The following SLC24A1 variants were observed in gnomAD, a reference collection of about 807,000 sequenced individuals.
The protein encoded by SLC24A1 is sodium/potassium/calcium exchanger 1.
Under a neutral mutation model 88.1 loss-of-function variants are expected in SLC24A1, and 52 were observed. The observed-to-expected ratio is 0.59, with a 90% CI of 0.47 to 0.74. SLC24A1 has a LOEUF of 0.74. Ranked by LOEUF, SLC24A1 falls within the 30% of genes least tolerant of loss-of-function variation. SLC24A1 has a pLI of 0.00. For synonymous variants in SLC24A1, 455 were observed against 498.0 expected (o/e 0.91, Z 1.15); for missense variants, 1,173 against 1,363.3 (o/e 0.86, Z 2.20).
At chr15:65,641,347 A>G (rs1469592253) in intron 4 of SLC24A1, among the ~76,000 whole-genome samples, 2 of 151,436 alleles carry the variant, frequency 1.3e-5, no homozygotes, top group Non-Finnish European at 2.9e-5. Flanking sequence ...TGACAGAGCG[A>G]GACCATCTCT....
upstream of SLC24A1, among the ~76,000 whole-genome samples, chr15:65,621,322 C>CG (rs1287210558): frequency 2.0e-5 from 3 of 152,130 alleles, no homozygotes; most frequent in African/African-American, 4.8e-5. Context: ...GCTGGAGGCG[C>CG]GGGGGGCTCA....
At chr15:65,632,364 T>A (rs2074758883) in intron 2 of SLC24A1, among the ~76,000 whole-genome samples, 1 of 152,168 alleles carries the variant, frequency 6.6e-6, no homozygotes, top group South Asian at 2.1e-4. Flanking sequence ...ATGATGCTGA[T>A]CTTTTTGGCT....
At chr15:65,615,258 A>G (rs1057344456) in intron 2 of SLC24A1, among the ~76,000 whole-genome samples, 1 of 152,200 alleles carries the variant, frequency 6.6e-6, no homozygotes, top group African/African-American at 2.4e-5. Flanking sequence ...TAAATTTTTA[A>G]AGGCCCCTCA....
chr15:65,650,495 A>G lies in SLC24A1; in HGVS notation c.2346A>G (p.Glu782=). 1 of 1,551,812 alleles carries G rather than the reference A, an allele frequency of 6.4e-7. No individual in the cohort carries two copies. Among genetic ancestry groups the G allele is most frequent in the Non-Finnish European group, 8.7e-7 (1 of 1,147,018 alleles). Residue 782 remains glutamate (E), a synonymous_variant, in exon 7 of 10, where the codon GAA becomes GAG. Transcript: ENST00000261892. This position sits in a 1 kb window ranked among gnomAD's most constrained non-coding sequence, Gnocchi z 4.1. Reference sequence around the variant, plus strand: ...GAGGTGAAACTCAACCAGAAGGTGAAGGTGAAACTGAAACACAAGGAAAAG... The same window carrying G: ...GAGGTGAAACTCAACCAGAAGGTGAGGGTGAAACTGAAACACAAGGAAAAG... The part of the protein sequence containing the change: ...KSGGETQPEG[E]GETETQGKGE...
chr15:65,649,596 C>T (rs2075427033), intron 6 of SLC24A1, among the ~76,000 whole-genome samples: 1 of 152,190 alleles, frequency 6.6e-6, no homozygotes, highest in South Asian at 2.1e-4. Context: ...GTTTCTCCAT[C>T]TGTAAGATGG....
chr15:65,611,383 G>T (rs1303153139), upstream of SLC24A1: 10 of 597,432 alleles, frequency 1.7e-5, no homozygotes, highest in Non-Finnish European at 3.0e-5. Context: ...CCTTGGCTGG[G>T]TTTCCTGCCG....
chr15:65,657,985 C>T (rs1398465333), downstream of SLC24A1: 1 of 151,912 alleles, frequency 6.6e-6, no homozygotes, highest in Non-Finnish European at 1.5e-5. Context: ...TATCATAGTA[C>T]TACATTTGAA....
chr15:65,623,707 G>A (rs1340304517), intron 1 of SLC24A1, among the ~76,000 whole-genome samples: 1 of 152,078 alleles, frequency 6.6e-6, no homozygotes, highest in Non-Finnish European at 1.5e-5. Flanking sequence ...AGTGCACTCA[G>A]GCTCCAGCTC....
Position 65,654,007 on chromosome 15 carries a change from C to T in SLC24A1, c.3228C>T (p.Leu1076=), listed in dbSNP as rs1363182589. ...AGATCCTGGGCTTCACAATGTTCCT[C>T]CTTTACTTTGTATTCCTGATAATCA... The part of the protein sequence containing the change: ...MNKILGFTMF[L]LYFVFLIISV... The change falls in exon 10 of 10, where the codon CTC becomes CTT. Residue 1076 remains leucine, a synonymous_variant. Transcript: ENST00000261892. 1 of 1,613,532 alleles carries T rather than the reference C, an allele frequency of 6.2e-7. No individual in the cohort carries two copies. The highest frequency in any genetic ancestry group is 1.3e-5 in the African/African-American group (1 of 75,048).
chr15:65,638,216 C>T, intron 3 of SLC24A1, 35 bp downstream of exon 3: 1 of 1,431,394 alleles, frequency 7.0e-7, no homozygotes. Context: ...AGTGGGGACA[C>T]TGCAGGGTCT....
chr15:65,643,106 C>T, intron 4 of SLC24A1: 1 of 1,004,120 alleles, frequency 1.0e-6, no homozygotes, highest in East Asian at 6.0e-5. Context: ...AGGTGCCAGA[C>T]ACTGTTTTGA....
chr15:65,640,876 C>T (rs543256234), intron 4 of SLC24A1, among the ~76,000 whole-genome samples: 6 of 150,978 alleles, frequency 4.0e-5, no homozygotes, highest in South Asian at 2.1e-4. Flanking sequence ...CTGGGCAACA[C>T]GGTGAAACCC....
chr15:65,614,093 T>G (rs1018318053), intron 2 of SLC24A1, among the ~76,000 whole-genome samples: 2 of 152,284 alleles, frequency 1.3e-5, no homozygotes, highest in Non-Finnish European at 2.9e-5. Flanking sequence ...AAAAAAAATT[T>G]TATTATGGAA....
At position 65,638,086 on chromosome 15, in the gene SLC24A1, G is replaced by C. The variant is rs1015589692; in HGVS notation, c.1891-42G>C. The C allele has an allele frequency of 2.1e-6, 3 of 1,463,130 alleles. No homozygotes were observed. The Admixed American group carries it at 5.3e-5, about 26-fold the overall frequency. 90.6% of individuals were successfully genotyped at this position (1,463,130 alleles called of 1,614,324 possible). ...GAAAGGGATGTAGGGAGAAAGTGAG[G>C]GTCTCGCCACAACATCTCGTGACTC... On this transcript the variant is annotated intron_variant, in intron 2 of 9. Transcript: ENST00000261892.
chr15:65,642,028 G>GGCATGGTACA (rs2075145336), intron 4 of SLC24A1, among the ~76,000 whole-genome samples: 1 of 152,184 alleles, frequency 6.6e-6, no homozygotes, highest in Non-Finnish European at 1.5e-5. Flanking sequence ...TTGTCTCTGG[G>GGCATGGTACA]TGTCTTTGGG....
Position 65,630,841 on chromosome 15 carries a change from C to T in SLC24A1, c.1890+4871C>T, listed in dbSNP as rs59046344. 5.3e-3 allele frequency among the ~76,000 whole-genome samples: 801 copies of T among 152,126 alleles called. 18 individuals carry two copies. Among genetic ancestry groups the T allele is most frequent in the Admixed American group, 0.036 (557 of 15,272 alleles). On this transcript the variant is annotated intron_variant, in intron 2 of 9. Coordinates refer to ENST00000261892, the MANE Select transcript of SLC24A1 (RefSeq NM_004727.3). The stretch of plus-strand genomic sequence containing the variant: ...CAAAAATTTGCCAGGCGTGGTGGCA[C>T]GCATCTGTAATTGCAGTTTCTCGGG...
At chr15:65,651,848 G>A (rs190746563) in intron 8 of SLC24A1, 89 bp downstream of exon 8, 52 of 750,324 alleles carry the variant, frequency 6.9e-5, no homozygotes, top group Admixed American at 3.8e-4. Flanking sequence ...AGGGAATCTC[G>A]AGGATCAAGT....
downstream of SLC24A1, chr15:65,657,914 T>A (rs953806358): frequency 5.9e-5 from 9 of 152,216 alleles, no homozygotes; most frequent in African/African-American, 2.2e-4. Flanking sequence ...CTTCGCTGTA[T>A]GAGCAAGCAA....
intron 1 of SLC24A1, 116 bp from the exon 2 acceptor site, chr15:65,623,839 A>G (rs1213950402): frequency 2.1e-6 from 1 of 467,644 alleles, no homozygotes; most frequent in Non-Finnish European, 3.7e-6. Flanking sequence ...CAAAGACCCC[A>G]TGCATGATAC....
Sources: allele counts gnomAD v4.1 joint callset (sites outside exome capture counted in the v4.1 genomes callset), GRCh38; gene constraint gnomAD v4.1.1; non-coding constraint Gnocchi (gnomAD v3.1); transcripts MANE v1.5; gene names NCBI Gene and HGNC (gene_info 2026-07-23, HGNC 2026-07-21).